CCNL2: variants seen among roughly 807,000 people sequenced by gnomAD.
CCNL2 encodes cyclin L2, also known as cyclin-L2.
Under a neutral mutation model 59.1 loss-of-function variants are expected in CCNL2, and 28 were observed. The observed-to-expected ratio is 0.47, with a 90% CI of 0.35 to 0.65. The LOEUF is 0.65. Among genes scored for constraint, CCNL2 ranks in the 30% least tolerant of loss-of-function variants. The pLI, the probability that CCNL2 is intolerant of heterozygous loss-of-function variation, is 0.00. For synonymous variants in CCNL2, 342 were observed against 288.6 expected (o/e 1.19, Z -1.88); for missense variants, 714 against 717.4 (o/e 1.00, Z 0.05).
chr1:1,390,697 G>C, intron 6 of CCNL2, 69 bp downstream of exon 6: 1 of 1,524,176 alleles, frequency 6.6e-7, no homozygotes, highest in South Asian at 1.1e-5. Context: ...GAATAACACA[G>C]TAAAGTTTAC....
At chr1:1,396,525 C>T (rs547622138) in intron 3 of CCNL2, among the ~76,000 whole-genome samples, 162 of 149,776 alleles carry the variant, frequency 1.1e-3, no homozygotes, top group Non-Finnish European at 1.6e-3. Flanking sequence ...CTTGGCCTCC[C>T]AAAGTGCTGG....
chr1:1,387,986 G>T lies in CCNL2; in HGVS notation c.1086C>A (p.Ala362=), dbSNP rs148355846. 13 of 1,613,984 alleles carry T rather than the reference G, an allele frequency of 8.1e-6. No individual in the cohort carries two copies. The highest frequency in any genetic ancestry group is 1.3e-5 in the African/African-American group (1 of 74,948). The change falls in exon 9 of 11, where the codon GCC becomes GCA. Residue 362 remains alanine (A), a synonymous_variant. Transcript: ENST00000400809. ...VKNTKRRLEG[A]KKAKADSPVN... is the part of the protein sequence containing the mutation. ...CGGGGCTGTCCGCCTTGGCTTTCTTGGCGCCCTCCAGCCTCCTCTTGGTGT... is the reference window on the plus strand; with the variant it reads ...CGGGGCTGTCCGCCTTGGCTTTCTTTGCGCCCTCCAGCCTCCTCTTGGTGT...
At chr1:1,388,427 A>G in intron 8 of CCNL2, 1 of 430,264 alleles carries the variant, frequency 2.3e-6, no homozygotes, top group South Asian at 1.7e-5. Flanking sequence ...AGGCTGAAGC[A>G]GAAGAATCGC....
intron 5 of CCNL2, chr1:1,391,774 G>A: frequency 3.0e-6 from 1 of 338,638 alleles, no homozygotes; most frequent in South Asian, 2.4e-5. Context: ...ATTTCCTTTA[G>A]ATCTCTAAGA....
intron 8 of CCNL2, chr1:1,388,319 G>A: frequency 2.1e-6 from 1 of 478,452 alleles, no homozygotes; most frequent in Non-Finnish European, 3.8e-6. Context: ...TCAATACATT[G>A]AGACCATCCT....
intron 4 of CCNL2, among the ~76,000 whole-genome samples, chr1:1,394,595 C>G (rs1442296869): frequency 6.6e-6 from 1 of 151,600 alleles, no homozygotes; most frequent in Admixed American, 6.6e-5. Context: ...ACTAAAGATA[C>G]AAAAATTACC....
intron 8 of CCNL2, 155 bp from the exon 9 acceptor site, chr1:1,388,220 A>C: frequency 1.6e-6 from 1 of 632,770 alleles, no homozygotes. Flanking sequence ...ACTTACACAG[A>C]CATCACAGAA....
At chr1:1,393,924 C>T (rs981854756) in intron 4 of CCNL2, among the ~76,000 whole-genome samples, 49 of 152,092 alleles carry the variant, frequency 3.2e-4, no homozygotes, top group African/African-American at 1.1e-3. Context: ...GTCAGGAGTT[C>T]GAGAACAGCC....
Position 1,399,293 on chromosome 1 carries a change from G to A in CCNL2, c.14C>T (p.Ala5Val), listed in dbSNP as rs1220437308. The change falls in exon 1 of 11, where the codon GCG becomes GTG. Residue 5 changes from alanine to valine, a missense_variant. By Grantham distance (64) the Ala-to-Val change is moderately conservative. Around this residue, in one of 5 missense-constraint regions of CCNL2, gnomAD observed 270 missense variants for 254.9 expected, o/e 1.06. Coordinates refer to ENST00000400809, the MANE Select transcript of CCNL2 (RefSeq NM_030937.6). ...CGACCCTGCAGCACCAGCCGCCGCC[G>A]CCGCCGCCGCCATTTTGTGCCGCCG... is the stretch of plus-strand genomic sequence containing the variant. The part of the protein sequence containing the change: MAAA[A>V]AAAGAAGSAA... 4 of 1,451,022 alleles carry A rather than the reference G, an allele frequency of 2.8e-6. No individual in the cohort carries two copies. The highest frequency in any genetic ancestry group is 2.9e-5 in the South Asian group (2 of 69,642). 89.9% of individuals were successfully genotyped at this position (1,451,022 alleles called of 1,614,324 possible).
At chr1:1,395,190 A>T (rs1050483906) in intron 4 of CCNL2, 1 of 501,636 alleles carries the variant, frequency 2.0e-6, no homozygotes, top group South Asian at 4.4e-5. Flanking sequence ...AAAACACTTA[A>T]AAATGTGTTA....
In CCNL2 at chr1:1,387,261, G is replaced by C. The variant is rs1644499211; in HGVS notation, c.1533C>G (p.Asp511Glu). The change falls in exon 11 of 11, where the codon GAC becomes GAG. Residue 511 changes from aspartate (D) to glutamate (E), a missense_variant. By Grantham distance (45) the Asp-to-Glu change is conservative. This residue lies in a region of CCNL2 where 403 missense variants were observed against 377.7 expected (regional missense o/e 1.07). Coordinates refer to ENST00000400809, the MANE Select transcript of CCNL2 (RefSeq NM_030937.6). ...YERTGRRYERDHPGHSRHRR is the reference protein window; with the variant it reads ...YERTGRRYEREHPGHSRHRR ...TCCGATGCCTGCTGTGCCCAGGGTG[G>C]TCCCGCTCATAGCGACGGCCTGTGC... 6.2e-7 allele frequency: 1 copy of C among 1,609,840 alleles called. No individual in the cohort carries two copies. Among genetic ancestry groups the C allele is most frequent in the Non-Finnish European group, 8.5e-7 (1 of 1,179,906 alleles).
chr1:1,397,386 C>T (rs967658629), intron 3 of CCNL2, among the ~76,000 whole-genome samples: 6 of 152,164 alleles, frequency 3.9e-5, no homozygotes, highest in African/African-American at 1.4e-4. Flanking sequence ...CCTCAATCTC[C>T]TGGCCTCAAG....
chr1:1,393,530 C>A, intron 4 of CCNL2, 70 bp from the exon 5 acceptor site: 1 of 1,349,180 alleles, frequency 7.4e-7, no homozygotes, highest in Non-Finnish European at 1.1e-6. Flanking sequence ...TTGTGGGTGT[C>A]CATGCAGCAA....
chr1:1,387,613 T>A, intron 10 of CCNL2, 31 bp from the exon 11 acceptor site: 1 of 1,462,430 alleles, frequency 6.8e-7, no homozygotes, highest in East Asian at 2.5e-5. Flanking sequence ...ACCACACGTG[T>A]GACCATCTGG....
Position 1,390,309 on chromosome 1 carries a change from C to T in CCNL2, c.927G>A (p.Lys309=), listed in dbSNP as rs756474698. 2 of 1,614,050 alleles carry T rather than the reference C, an allele frequency of 1.2e-6. No individual in the cohort carries two copies. The highest frequency in any genetic ancestry group is 8.5e-7 in the Non-Finnish European group (1 of 1,179,972). Reference sequence around the variant, plus strand: ...CAGGCAACAGGCCCCGGGCTTGGGCCTTTGCCTCTTCGATAGCGTGCTTTC... The same window carrying T: ...CAGGCAACAGGCCCCGGGCTTGGGCTTTTGCCTCTTCGATAGCGTGCTTTC... ...EKRKHAIEEA[K]AQARGLLPGG... Residue 309 remains lysine (K), a synonymous_variant, in exon 8 of 11, where the codon AAG becomes AAA. Coordinates refer to ENST00000400809, the MANE Select transcript of CCNL2 (RefSeq NM_030937.6).
At chr1:1,392,891 T>C (rs542807050) in intron 5 of CCNL2, 2 of 1,363,240 alleles carry the variant, frequency 1.5e-6, no homozygotes, top group South Asian at 1.2e-5. Context: ...TCAGCAAAAA[T>C]ATGACCCTTA....
At chr1:1,389,774 C>T (rs978965073) in intron 8 of CCNL2, among the ~76,000 whole-genome samples, 4 of 151,818 alleles carry the variant, frequency 2.6e-5, no homozygotes, top group African/African-American at 9.7e-5. Context: ...CCTGGCTAAC[C>T]TGGTGAAACC....
Position 1,387,205 on chromosome 1 carries a change from C to A in CCNL2, c.*26G>T, listed in dbSNP as rs773747677. On this transcript the variant is annotated 3_prime_UTR_variant, in exon 11 of 11. Transcript: ENST00000400809. ...CAGGTACTCCCCAGGGAAGGGCTTG[C>A]GGCCACCAGTCACTGCAACCCCGCC... 2.5e-6 allele frequency: 4 copies of A among 1,571,526 alleles called. No homozygotes were observed. In the South Asian group the frequency reaches 3.4e-5, roughly 13 times the overall value.
rs1644488776 is a variant in CCNL2, at chr1:1,387,086, G to A, written c.*145C>T. On this transcript the variant is annotated 3_prime_UTR_variant, in exon 11 of 11. Coordinates refer to ENST00000400809, the MANE Select transcript of CCNL2 (RefSeq NM_030937.6). ...CAAATCCACCAAGGTCCAGTCGACA[G>A]ACATTTCCAAAAAGAATCCTGTTCT... 4 of 630,204 alleles carry A rather than the reference G, an allele frequency of 6.3e-6. No homozygotes were observed. In the South Asian group the frequency reaches 8.7e-5, roughly 14 times the overall value. The allele number at this position is 630,204 out of a possible 1,614,324, so 39.0% of individuals were successfully genotyped here. A position where few individuals can be genotyped will look rare whatever the true frequency, so the allele number is the denominator to read the frequency against.
Sources: gnomAD v4.1 joint callset for allele counts (sites outside exome capture counted in the v4.1 genomes callset) on GRCh38, gnomAD v4.1.1 for gene constraint, gnomAD v4.1.1 regional missense constraint, MANE v1.5 for transcripts, NCBI Gene and HGNC (gene_info 2026-07-23, HGNC 2026-07-21) for gene names.